Variants in SLC9C1 observed in about 807,000 individuals in gnomAD.
SLC9C1 encodes the protein sodium/hydrogen exchanger 10.
In SLC9C1, 97 loss-of-function variants were observed where a neutral mutation model predicts 140.9. The observed-to-expected ratio is 0.69, with a 90% CI of 0.58 to 0.82. SLC9C1 has a LOEUF of 0.82. Ranked by LOEUF, SLC9C1 falls within the 40% of genes least tolerant of loss-of-function variation. The probability of loss-of-function intolerance (pLI) is 0.00; values close to 1 mark genes in which losing one functional copy is unlikely to be tolerated. For missense variants in SLC9C1, 1,340 were observed against 1,389.3 expected (o/e 0.96, Z 0.56); for synonymous variants, 440 against 442.6 (o/e 0.99, Z 0.07).
intron 2 of SLC9C1, among the ~76,000 whole-genome samples, chr3:112,281,448 G>A (rs2108349615): frequency 6.6e-6 from 1 of 152,298 alleles, no homozygotes; most frequent in East Asian, 1.9e-4. Context: ...ATGGTTGGCT[G>A]CAGGTATGTG....
chr3:112,263,269 A>G (rs1405734868), intron 9 of SLC9C1, among the ~76,000 whole-genome samples, 171 bp from the exon 10 acceptor site: 1 of 151,934 alleles, frequency 6.6e-6, no homozygotes, highest in African/African-American at 2.4e-5. Flanking sequence ...TATTCCATAG[A>G]GAGACATGCC....
At chr3:112,281,240 G>T (rs1039572474) in intron 2 of SLC9C1, among the ~76,000 whole-genome samples, 1 of 152,128 alleles carries the variant, frequency 6.6e-6, no homozygotes, top group Admixed American at 6.6e-5. Flanking sequence ...TTTTCCTCCT[G>T]TTTTCACTAA....
chr3:112,225,512 T>TA (rs1162311710), intron 13 of SLC9C1, among the ~76,000 whole-genome samples: 4 of 146,674 alleles, frequency 2.7e-5, no homozygotes, highest in African/African-American at 1.0e-4. Context: ...TCTTCAAAGA[T>TA]AAACAAACAA....
intron 28 of SLC9C1, among the ~76,000 whole-genome samples, chr3:112,141,571 A>G (rs771513815): frequency 2.6e-5 from 4 of 152,172 alleles, no homozygotes; most frequent in South Asian, 2.1e-4. Flanking sequence ...AGGATTGTCC[A>G]TTGTGAGAAG....
chr3:112,232,482 G>A (rs2078855120), intron 12 of SLC9C1, among the ~76,000 whole-genome samples: 1 of 152,106 alleles, frequency 6.6e-6, no homozygotes, highest in Non-Finnish European at 1.5e-5. Flanking sequence ...CAGAAATCCT[G>A]GCAGTATTCC....
chr3:112,189,463 C>T (rs2077606342), intron 20 of SLC9C1, among the ~76,000 whole-genome samples: 1 of 152,160 alleles, frequency 6.6e-6, no homozygotes, highest in South Asian at 2.1e-4. Flanking sequence ...GCCAGTTTTC[C>T]CAGCACCATT....
intron 10 of SLC9C1, among the ~76,000 whole-genome samples, chr3:112,256,934 C>G (rs2079624319): frequency 1.3e-5 from 2 of 151,968 alleles, no homozygotes; most frequent in Non-Finnish European, 2.9e-5. Flanking sequence ...AGCCAAGAGC[C>G]AAATCAAGAA....
intron 10 of SLC9C1, among the ~76,000 whole-genome samples, chr3:112,255,155 G>A (rs190722485): frequency 2.6e-5 from 4 of 151,948 alleles, no homozygotes; most frequent in South Asian, 2.1e-4. Context: ...CACACTCCAC[G>A]GACAGTAGCA....
chr3:112,239,230 C>T (rs1415711770), intron 12 of SLC9C1, among the ~76,000 whole-genome samples: 1 of 152,180 alleles, frequency 6.6e-6, no homozygotes, highest in African/African-American at 2.4e-5. Flanking sequence ...TGAGCTAGCT[C>T]CGTGGGTGTG....
At chr3:112,262,409 C>T (rs191959438) in intron 10 of SLC9C1, among the ~76,000 whole-genome samples, 1 of 144,896 alleles carries the variant, frequency 6.9e-6, no homozygotes, top group Admixed American at 7.1e-5. Flanking sequence ...GCATCAGATG[C>T]TCTGTGATAT....
At chr3:112,169,382 G>A in intron 23 of SLC9C1, 54 bp from the exon 24 acceptor site, 1 of 1,538,508 alleles carries the variant, frequency 6.5e-7, no homozygotes, top group Non-Finnish European at 8.7e-7. Context: ...ATGGTTTAAG[G>A]AATAAAGTTT....
intron 26 of SLC9C1, among the ~76,000 whole-genome samples, chr3:112,159,263 C>A (rs1377035474): frequency 1.3e-5 from 2 of 151,732 alleles, no homozygotes; most frequent in Admixed American, 1.3e-4. Context: ...ACCCATTGGT[C>A]ATCTAGGTGC....
At chr3:112,169,977 TA>T (rs995053321) in intron 23 of SLC9C1, among the ~76,000 whole-genome samples, 2 of 151,918 alleles carry the variant, frequency 1.3e-5, no homozygotes, top group South Asian at 4.2e-4. Flanking sequence ...CTCACCACAT[TA>T]AAAAAAATCA....
intron 13 of SLC9C1, among the ~76,000 whole-genome samples, chr3:112,224,775 A>C (rs943075903): frequency 1.3e-5 from 2 of 151,870 alleles, no homozygotes; most frequent in African/African-American, 4.8e-5. Flanking sequence ...AAAAAGAGAA[A>C]GATACATAGA....
intron 15 of SLC9C1, among the ~76,000 whole-genome samples, chr3:112,212,703 A>C (rs1188098299): frequency 6.6e-6 from 1 of 152,252 alleles, no homozygotes; most frequent in African/African-American, 2.4e-5. Flanking sequence ...ATATGGGACT[A>C]TGTGAAAAGA....
At chr3:112,169,418 TAA>T in intron 23 of SLC9C1, 90 bp from the exon 24 acceptor site, 1 of 1,179,242 alleles carries the variant, frequency 8.5e-7, no homozygotes, top group Non-Finnish European at 1.1e-6. Context: ...CTATTAAAGC[TAA>T]TAATTTAATT....
rs533681231 is a variant in SLC9C1, at chr3:112,235,052, A to C, written c.1447-3566T>G. 1.3e-3 allele frequency among the ~76,000 whole-genome samples: 191 copies of C among 151,158 alleles called. 2 individuals are homozygous for C. Among genetic ancestry groups the C allele is most frequent in the Non-Finnish European group, 1.6e-3 (109 of 67,834 alleles). Reference sequence around the variant, plus strand: ...GCTTGATGGGGATGGCATTGAATCTATAAATTACCTTGGGCAGTATGGCCA... The same window carrying C: ...GCTTGATGGGGATGGCATTGAATCTCTAAATTACCTTGGGCAGTATGGCCA... On this transcript the variant is annotated intron_variant, in intron 12 of 28. Transcript: ENST00000305815.
chr3:112,231,181 T>G (rs2078815924), intron 13 of SLC9C1, among the ~76,000 whole-genome samples, 180 bp downstream of exon 13: 2 of 151,536 alleles, frequency 1.3e-5, no homozygotes, highest in Admixed American at 1.3e-4. Context: ...TCTTTTTCTT[T>G]CTTTCCTCTC....
chr3:112,262,835 G>A, intron 10 of SLC9C1, 89 bp downstream of exon 10: 1 of 1,155,630 alleles, frequency 8.7e-7, no homozygotes, highest in Middle Eastern at 2.9e-4. Flanking sequence ...AAGTGAAGTT[G>A]AGCTACCTCA....
Sources: gnomAD v4.1 joint callset for allele counts (sites outside exome capture counted in the v4.1 genomes callset) on GRCh38, gnomAD v4.1.1 for gene constraint, MANE v1.5 for transcripts, NCBI Gene and HGNC (gene_info 2026-07-23, HGNC 2026-07-21) for gene names.